INPP5D: variants seen among roughly 807,000 people sequenced by gnomAD.
INPP5D encodes the protein phosphatidylinositol 3,4,5-trisphosphate 5-phosphatase 1.
In INPP5D, 33 loss-of-function variants were observed where a neutral mutation model predicts 122.9. The ratio of observed to expected loss-of-function variants is 0.27; its 90% CI spans 0.20 to 0.36. The LOEUF is 0.36. Ranked by LOEUF, INPP5D falls within the 10% of genes least tolerant of loss-of-function variation. The probability of loss-of-function intolerance (pLI) is 1.00; values close to 1 mark genes in which losing one functional copy is unlikely to be tolerated. For synonymous variants in INPP5D, 584 were observed against 576.2 expected (o/e 1.01, Z -0.19); for missense variants, 1,053 against 1,412.7 (o/e 0.75, Z 4.08).
chr2:233,086,439 A>G (rs1407495929), intron 2 of INPP5D, among the ~76,000 whole-genome samples: 2 of 152,030 alleles, frequency 1.3e-5, no homozygotes, highest in Non-Finnish European at 2.9e-5. Flanking sequence ...TTGGCCTCCC[A>G]AAGTGCTGGG....
rs548627561 is a variant in INPP5D at position 233,177,502 on chromosome 2, T to G, written c.2071+156T>G. On this transcript the variant is annotated intron_variant, in intron 18 of 26. Coordinates refer to ENST00000445964, the MANE Select transcript of INPP5D (RefSeq NM_001017915.3). This position sits in a 1 kb window ranked among gnomAD's most constrained non-coding sequence, Gnocchi z 4.2. Reference sequence around the variant, plus strand: ...TCAGGCGACCTGGAAATGTTGATGCTTCCCTGCCTGTCTTGTGCTGCCACC... The same window carrying G: ...TCAGGCGACCTGGAAATGTTGATGCGTCCCTGCCTGTCTTGTGCTGCCACC... Among the ~76,000 whole-genome samples the G allele has an allele frequency of 6.6e-6, 1 of 152,332 alleles. No individual in the cohort carries two copies. Among genetic ancestry groups the G allele is most frequent in the East Asian group, 1.9e-4 (1 of 5,194 alleles).
intron 1 of INPP5D, among the ~76,000 whole-genome samples, chr2:233,062,031 C>T (rs961951161): frequency 6.6e-6 from 1 of 152,240 alleles, no homozygotes; most frequent in African/African-American, 2.4e-5. Context: ...GGGGAAGGAA[C>T]GCAGGCCCAG....
At chr2:233,115,263 G>C (rs542188587) in intron 2 of INPP5D, among the ~76,000 whole-genome samples, 3 of 152,298 alleles carry the variant, frequency 2.0e-5, no homozygotes, top group South Asian at 2.1e-4. Flanking sequence ...AGAGCCTTGT[G>C]GGGGGTTCCT....
chr2:233,114,187 T>C (rs111502414), intron 2 of INPP5D, among the ~76,000 whole-genome samples: 27,019 of 152,162 alleles, frequency 0.18, 5,702 homozygotes, highest in African/African-American at 0.51. Flanking sequence ...GGATTACAGG[T>C]GTGAGCCACC....
At position 233,122,213 on chromosome 2, in the gene INPP5D, C is replaced by T. The variant is rs757426722; in HGVS notation, c.305C>T (p.Pro102Leu). 5.0e-6 allele frequency: 8 copies of T among 1,613,828 alleles called. No individual in the cohort carries two copies. Among genetic ancestry groups the T allele is most frequent in the East Asian group, 2.2e-5 (1 of 44,878 alleles). The change falls in exon 3 of 27, where the codon CCG becomes CTG. Residue 102 changes from proline to leucine, a missense_variant. Pro to Leu is a moderately conservative substitution (Grantham distance 98, BLOSUM62 -3). Transcript: ENST00000445964. ...GLVTHLQYPV[P>L]LEEEDTGDDP... ...GTGACCCATCTGCAATACCCTGTGC[C>T]GCTGGAGGAAGAGGACACAGGCGAC...
chr2:233,141,539 C>G (rs926722027), intron 6 of INPP5D: 4 of 151,306 alleles, frequency 2.6e-5, no homozygotes, highest in African/African-American at 9.8e-5. Flanking sequence ...TGCACTCCAG[C>G]CTGGGTGACA....
At chr2:233,130,485 T>C (rs764552030) in intron 4 of INPP5D, 23 bp from the exon 5 acceptor site, 2 of 1,611,552 alleles carry the variant, frequency 1.2e-6, no homozygotes, top group Non-Finnish European at 1.7e-6. Context: ...AAGCATAGTT[T>C]GTTTCTTTTT....
chr2:233,159,021 A>G (rs765594154), intron 10 of INPP5D, among the ~76,000 whole-genome samples: 4 of 152,096 alleles, frequency 2.6e-5, no homozygotes, highest in Non-Finnish European at 5.9e-5. Flanking sequence ...GGCTCAGGCA[A>G]TCTTCCCGCC....
At chr2:233,094,377 G>C (rs890076719) in intron 2 of INPP5D, among the ~76,000 whole-genome samples, 2 of 151,658 alleles carry the variant, frequency 1.3e-5, no homozygotes, top group African/African-American at 4.8e-5. Context: ...GCCGGGCTTA[G>C]TGGTGCATGC....
At chr2:233,155,080 A>G (rs1357793383) in intron 9 of INPP5D, among the ~76,000 whole-genome samples, 3 of 152,192 alleles carry the variant, frequency 2.0e-5, no homozygotes, top group South Asian at 2.1e-4. Flanking sequence ...TAACAGAATT[A>G]TATCTAGAAA....
chr2:233,093,867 G>A, intron 2 of INPP5D, among the ~76,000 whole-genome samples: 1 of 152,144 alleles, frequency 6.6e-6, no homozygotes, highest in East Asian at 1.9e-4. Context: ...CTGCCCAGTG[G>A]TGGCTTCAGG....
intron 2 of INPP5D, among the ~76,000 whole-genome samples, chr2:233,091,816 C>T (rs923965854): frequency 1.3e-5 from 2 of 152,194 alleles, no homozygotes; most frequent in African/African-American, 4.8e-5. Context: ...TATTGACTCA[C>T]TCATTTATTA....
intron 2 of INPP5D, among the ~76,000 whole-genome samples, chr2:233,117,817 G>A (rs2106250902): frequency 6.6e-6 from 1 of 152,298 alleles, no homozygotes. Flanking sequence ...CGTGCTGGGG[G>A]ATGTGAGTGA....
chr2:233,137,296 G>A (rs1180614590), intron 5 of INPP5D, among the ~76,000 whole-genome samples: 1 of 151,488 alleles, frequency 6.6e-6, no homozygotes, highest in East Asian at 1.9e-4. Context: ...AAGATAAACG[G>A]AAACCATTTA....
At chr2:233,132,508 C>T (rs1373680354) in intron 5 of INPP5D, among the ~76,000 whole-genome samples, 1 of 152,228 alleles carries the variant, frequency 6.6e-6, no homozygotes, top group African/African-American at 2.4e-5. Flanking sequence ...CCGTCATGCT[C>T]TAAATTTCCC....
chr2:233,064,628 A>G (rs527665232), intron 1 of INPP5D, among the ~76,000 whole-genome samples: 2 of 152,358 alleles, frequency 1.3e-5, no homozygotes, highest in East Asian at 1.9e-4. Context: ...TTTATGGAAC[A>G]GGCCTAGTTT....
chr2:233,195,730 G>C (rs1695167395), intron 24 of INPP5D, among the ~76,000 whole-genome samples: 1 of 152,190 alleles, frequency 6.6e-6, no homozygotes, highest in Admixed American at 6.5e-5. Context: ...ACTTTGGGAG[G>C]CCAAGGCCGG....
chr2:233,091,200 T>G (rs1010831191), intron 2 of INPP5D, among the ~76,000 whole-genome samples: 2 of 152,182 alleles, frequency 1.3e-5, no homozygotes, highest in Non-Finnish European at 2.9e-5. Context: ...CTCCAAGGCC[T>G]TTTCCCAGGT....
chr2:233,136,908 T>C (rs1292634069), intron 5 of INPP5D, among the ~76,000 whole-genome samples: 1 of 152,246 alleles, frequency 6.6e-6, no homozygotes, highest in African/African-American at 2.4e-5. Flanking sequence ...TGTACAGTTA[T>C]GTAGCTACAG....
Sources: gnomAD v4.1 joint callset for allele counts (sites outside exome capture counted in the v4.1 genomes callset) on GRCh38, gnomAD v4.1.1 for gene constraint, Gnocchi (gnomAD v3.1) non-coding constraint, MANE v1.5 for transcripts, NCBI Gene and HGNC (gene_info 2026-07-23, HGNC 2026-07-21) for gene names.